Variants in CDC14A observed in about 807,000 individuals in gnomAD.
CDC14A encodes the protein cell division cycle 14A.
In CDC14A, 53 loss-of-function variants were observed where a neutral mutation model predicts 74.4. The ratio of observed to expected loss-of-function variants is 0.71; its 90% CI spans 0.57 to 0.89. The LOEUF (loss-of-function observed/expected upper bound fraction) is 0.89. Ranked by LOEUF, CDC14A falls within the 40% of genes least tolerant of loss-of-function variation. The pLI, the probability that CDC14A is intolerant of heterozygous loss-of-function variation, is 0.00. For missense variants in CDC14A, 646 were observed against 713.7 expected (o/e 0.91, Z 1.08); for synonymous variants, 247 against 258.4 (o/e 0.96, Z 0.43).
chr1:100,368,344 G>T (rs1187816268), intron 2 of CDC14A, among the ~76,000 whole-genome samples: 1 of 152,176 alleles, frequency 6.6e-6, no homozygotes, highest in Non-Finnish European at 1.5e-5. Context: ...CCATGTTGGA[G>T]AGTACAGATC....
intron 15 of CDC14A, among the ~76,000 whole-genome samples, chr1:100,502,408 G>A (rs891773801): frequency 5.3e-5 from 8 of 152,216 alleles, no homozygotes. Flanking sequence ...GCAATATTCA[G>A]TAGAGTAACA....
intron 2 of CDC14A, among the ~76,000 whole-genome samples, chr1:100,371,989 C>T (rs1481272054): frequency 3.9e-5 from 6 of 152,130 alleles, no homozygotes; most frequent in South Asian, 2.1e-4. Flanking sequence ...TAGACCACCA[C>T]AATAAAGCAA....
At chr1:100,472,222 C>T (rs1668462473) in intron 10 of CDC14A, among the ~76,000 whole-genome samples, 2 of 152,284 alleles carry the variant, frequency 1.3e-5, no homozygotes, top group South Asian at 4.1e-4. Context: ...GATTCACCCT[C>T]ATTAGCTATT....
At chr1:100,498,250 A>C in intron 14 of CDC14A, 43 bp downstream of exon 14, 1 of 1,598,934 alleles carries the variant, frequency 6.3e-7, no homozygotes, top group South Asian at 1.1e-5. Context: ...TTTGAGGTAA[A>C]GGAAGCTTGC....
intron 4 of CDC14A, chr1:100,393,600 ACCAGCACTGCAGCTGCTT>A: frequency 2.9e-6 from 2 of 691,330 alleles, no homozygotes; most frequent in East Asian, 5.7e-5. Context: ...TTACTTCTCC[ACCAGCACTGCAGCTGCTT>A]CCTGCACACC....
At chr1:100,386,523 C>G (rs897708540) in intron 3 of CDC14A, among the ~76,000 whole-genome samples, 1 of 152,102 alleles carries the variant, frequency 6.6e-6, no homozygotes, top group Non-Finnish European at 1.5e-5. Context: ...AGGGCCCACT[C>G]ATCATATTTG....
intron 4 of CDC14A, among the ~76,000 whole-genome samples, chr1:100,416,089 C>T (rs1160859448): frequency 2.6e-5 from 4 of 152,104 alleles, no homozygotes; most frequent in African/African-American, 9.7e-5. Context: ...TTTTGGGAGC[C>T]AAGGAAGAGA....
intron 15 of CDC14A, among the ~76,000 whole-genome samples, chr1:100,509,466 G>GGGTATACT (rs374016863): frequency 6.6e-6 from 1 of 152,122 alleles, no homozygotes; most frequent in African/African-American, 2.4e-5. Flanking sequence ...GTTTGATTGT[G>GGGTATACT]GGTATACTCA....
At chr1:100,408,132 C>T (rs750822742) in intron 4 of CDC14A, among the ~76,000 whole-genome samples, 2 of 152,066 alleles carry the variant, frequency 1.3e-5, no homozygotes, top group East Asian at 1.9e-4. Context: ...GTGTTCTCAT[C>T]GTTTAGTTCC....
rs75609742 is a variant in CDC14A, at chr1:100,395,566, C to T, written c.309+4742C>T. ...CCTAGCCCAAGCCACTGTCATTGTT[C>T]ACCTGGATTATGACCACAGCTTTAT... On this transcript the variant is annotated intron_variant, in intron 4 of 15. Coordinates refer to ENST00000336454, the MANE Select transcript of CDC14A (RefSeq NM_003672.4). Among the ~76,000 whole-genome samples, 1,123 of 152,322 alleles carry T rather than the reference C, an allele frequency of 7.4e-3. 13 individuals are homozygous for T. Among genetic ancestry groups the T allele is most frequent in the African/African-American group, 0.026 (1,083 of 41,568 alleles).
At chr1:100,467,755 A>C (rs536107196) in intron 9 of CDC14A, among the ~76,000 whole-genome samples, 12 of 152,258 alleles carry the variant, frequency 7.9e-5, no homozygotes, top group African/African-American at 2.6e-4. Flanking sequence ...TCTTGCCCCC[A>C]AATCTATGGC....
intron 5 of CDC14A, among the ~76,000 whole-genome samples, chr1:100,437,162 G>T (rs1283918219): frequency 6.6e-6 from 1 of 152,116 alleles, no homozygotes; most frequent in Non-Finnish European, 1.5e-5. Context: ...CTCCAGCCTG[G>T]GTGACAGAGT....
chr1:100,462,511 T>C, intron 8 of CDC14A, 140 bp from the exon 9 acceptor site: 1 of 661,624 alleles, frequency 1.5e-6, no homozygotes, highest in Non-Finnish European at 2.6e-6. Context: ...AGGAGCTTGC[T>C]GTGACCTCTT....
chr1:100,412,722 A>ATG lies in CDC14A; in HGVS notation c.310-11499_310-11498insGT, dbSNP rs1491179433. On this transcript the variant is annotated intron_variant, in intron 4 of 15. Transcript: ENST00000336454. ...TATATATATATATATATATATATAT[A>ATG]TTTTATATATATATATTTTATATAT... 2.7e-5 allele frequency among the ~76,000 whole-genome samples: 2 copies of ATG among 73,938 alleles called. 1 individual carries two copies. The highest frequency in any genetic ancestry group is 7.5e-4 in the East Asian group (2 of 2,672). 48.5% of individuals were successfully genotyped at this position (73,938 alleles called of 152,430 possible). A position where few individuals can be genotyped will look rare whatever the true frequency, so the allele number is the denominator to read the frequency against.
intron 7 of CDC14A, among the ~76,000 whole-genome samples, chr1:100,449,186 T>G (rs148039434): frequency 6.6e-6 from 1 of 152,332 alleles, no homozygotes; most frequent in East Asian, 1.9e-4. Flanking sequence ...CACATTACAA[T>G]GTAGCGCATC....
intron 5 of CDC14A, among the ~76,000 whole-genome samples, chr1:100,432,099 TTTG>T (rs971876676): frequency 2.0e-5 from 3 of 152,334 alleles, no homozygotes; most frequent in African/African-American, 2.4e-5. Context: ...ATTCTGTTTT[TTTG>T]TTGTTGTTGT....
chr1:100,426,108 G>A (rs753519565), intron 5 of CDC14A, among the ~76,000 whole-genome samples: 6 of 152,118 alleles, frequency 3.9e-5, no homozygotes, highest in African/African-American at 7.2e-5. Context: ...TATTATTACT[G>A]TTAGTAACAT....
chr1:100,442,219 G>T (rs967352994), intron 6 of CDC14A, among the ~76,000 whole-genome samples: 2 of 149,086 alleles, frequency 1.3e-5, no homozygotes, highest in Non-Finnish European at 3.0e-5. Context: ...ACTATCTCAT[G>T]AAACAGATTC....
chr1:100,353,989 A>G, intron 2 of CDC14A, 137 bp downstream of exon 2: 1 of 645,810 alleles, frequency 1.5e-6, no homozygotes, highest in Non-Finnish European at 2.8e-6. Context: ...TTTAAGACTC[A>G]GGTGCCTGGG....
Sources: allele counts gnomAD v4.1 joint callset (sites outside exome capture counted in the v4.1 genomes callset), GRCh38; gene constraint gnomAD v4.1.1; transcripts MANE v1.5; gene names NCBI Gene and HGNC (gene_info 2026-07-23, HGNC 2026-07-21).